The following MDGA2 variants were observed in gnomAD, a reference collection of about 807,000 sequenced individuals.
MDGA2 encodes the protein MAM domain-containing glycosylphosphatidylinositol anchor protein 2.
Under a neutral mutation model 117.8 loss-of-function variants are expected in MDGA2, and 40 were observed. The observed-to-expected ratio is 0.34, with a 90% CI of 0.26 to 0.44. The LOEUF (loss-of-function observed/expected upper bound fraction) is 0.44, where lower values mean the gene tolerates loss of function less well. Among genes scored for constraint, MDGA2 ranks in the 20% least tolerant of loss-of-function variants. The probability of loss-of-function intolerance (pLI) is 1.00; values close to 1 mark genes in which losing one functional copy is unlikely to be tolerated. For missense variants in MDGA2, 1,123 were observed against 1,250.6 expected (o/e 0.90, Z 1.54); for synonymous variants, 452 against 439.0 (o/e 1.03, Z -0.37).
intron 2 of MDGA2, among the ~76,000 whole-genome samples, chr14:47,263,847 T>C (rs1365322628): frequency 2.0e-5 from 3 of 152,172 alleles, no homozygotes; most frequent in Admixed American, 6.6e-5. Context: ...TTACAATTTT[T>C]ACCATTTTCA....
chr14:47,481,804 T>C (rs1893959068), intron 1 of MDGA2, among the ~76,000 whole-genome samples: 1 of 151,942 alleles, frequency 6.6e-6, no homozygotes, highest in South Asian at 2.1e-4. Context: ...TTGGTGAAAA[T>C]TAAAATGCTA....
chr14:47,165,412 G>A (rs1883830424), intron 3 of MDGA2, among the ~76,000 whole-genome samples: 1 of 152,172 alleles, frequency 6.6e-6, no homozygotes, highest in Admixed American at 6.6e-5. Context: ...GGGAAAGAGT[G>A]GAAGTGGTAT....
intron 2 of MDGA2, among the ~76,000 whole-genome samples, chr14:47,263,327 T>A (rs188102509): frequency 7.4e-4 from 113 of 152,168 alleles, no homozygotes; most frequent in African/African-American, 2.4e-3. Context: ...CCACCCATCC[T>A]CCATCCCCAA....
chr14:47,060,844 C>G (rs1176611967), intron 7 of MDGA2, among the ~76,000 whole-genome samples: 2 of 151,928 alleles, frequency 1.3e-5, no homozygotes, highest in East Asian at 3.9e-4. Flanking sequence ...TAAATTATCT[C>G]TCAGTATTTT....
chr14:46,943,417 GT>G (rs1443498202), intron 9 of MDGA2, among the ~76,000 whole-genome samples: 1 of 151,930 alleles, frequency 6.6e-6, no homozygotes, highest in Non-Finnish European at 1.5e-5. Context: ...ACATGACTGA[GT>G]TAAAGTCTAC....
intron 9 of MDGA2, among the ~76,000 whole-genome samples, chr14:46,924,728 G>A (rs1884262558): frequency 1.3e-5 from 2 of 151,760 alleles, no homozygotes; most frequent in African/African-American, 2.4e-5. Context: ...TACAGTTGGT[G>A]GCATAATTGA....
chr14:47,036,929 A>G (rs1459390369), intron 7 of MDGA2, among the ~76,000 whole-genome samples: 2 of 152,240 alleles, frequency 1.3e-5, no homozygotes, highest in African/African-American at 4.8e-5. Flanking sequence ...TAGAATTTAA[A>G]CAATATGAAC....
chr14:47,595,639 G>T (rs1896529208), intron 1 of MDGA2, among the ~76,000 whole-genome samples: 1 of 151,540 alleles, frequency 6.6e-6, no homozygotes, highest in African/African-American at 2.4e-5. Context: ...TTCACTGAAG[G>T]ACATGACAGC....
intron 1 of MDGA2, among the ~76,000 whole-genome samples, chr14:47,474,058 A>T (rs4900772): frequency 0.46 from 69,409 of 151,908 alleles, 16,069 homozygotes; most frequent in East Asian, 0.61. Flanking sequence ...TTTGCAGATG[A>T]CACGATCCTA....
chr14:47,033,247 T>A (rs1242901906), intron 8 of MDGA2, among the ~76,000 whole-genome samples: 1 of 152,188 alleles, frequency 6.6e-6, no homozygotes, highest in Admixed American at 6.5e-5. Flanking sequence ...GTTAAGAATA[T>A]TCTATGGAGA....
chr14:47,487,909 A>T (rs1894093376), intron 1 of MDGA2, among the ~76,000 whole-genome samples: 2 of 152,274 alleles, frequency 1.3e-5, no homozygotes, highest in South Asian at 2.1e-4. Flanking sequence ...ATTTTAAATT[A>T]TCATTTATTT....
At chr14:47,172,395 C>A (rs1379607456) in intron 3 of MDGA2, among the ~76,000 whole-genome samples, 1 of 151,928 alleles carries the variant, frequency 6.6e-6, no homozygotes, top group South Asian at 2.1e-4. Context: ...TGGGAGGCAC[C>A]CCCAAGTAGG....
intron 10 of MDGA2, among the ~76,000 whole-genome samples, chr14:46,891,221 G>C (rs1457836659): frequency 1.3e-5 from 2 of 151,682 alleles, no homozygotes; most frequent in Admixed American, 1.3e-4. Context: ...CAATGAAATA[G>C]CTCATTAACT....
chr14:47,525,713 C>G (rs1894958386), intron 1 of MDGA2, among the ~76,000 whole-genome samples: 1 of 151,532 alleles, frequency 6.6e-6, no homozygotes, highest in African/African-American at 2.4e-5. Flanking sequence ...AAAAAAAAAG[C>G]TTAATTGATT....
intron 1 of MDGA2, among the ~76,000 whole-genome samples, chr14:47,375,303 T>C (rs1421141561): frequency 1.3e-5 from 2 of 151,982 alleles, no homozygotes; most frequent in South Asian, 2.1e-4. Context: ...TTGATCTCTA[T>C]ACAGAATACT....
At chr14:47,143,625 TA>T (rs1331622379) in intron 4 of MDGA2, among the ~76,000 whole-genome samples, 4 of 152,142 alleles carry the variant, frequency 2.6e-5, no homozygotes, top group Non-Finnish European at 5.9e-5. Context: ...CAAACATGAC[TA>T]AAGGAAATTA....
chr14:47,390,058 C>G (rs1891858776), intron 1 of MDGA2, among the ~76,000 whole-genome samples: 1 of 152,086 alleles, frequency 6.6e-6, no homozygotes, highest in Admixed American at 6.6e-5. Flanking sequence ...CTTAGTTGTG[C>G]CCCTCCTGTA....
At chr14:47,078,761 T>C (rs760373291) in intron 6 of MDGA2, among the ~76,000 whole-genome samples, 7 of 152,142 alleles carry the variant, frequency 4.6e-5, no homozygotes, top group African/African-American at 7.2e-5. Context: ...TAACTATTAC[T>C]GAAAAATGAT....
intron 1 of MDGA2, chr14:47,343,190 A>T: frequency 8.8e-7 from 1 of 1,135,944 alleles, no homozygotes; most frequent in Non-Finnish European, 1.1e-6. Flanking sequence ...TACAGGCTCA[A>T]GCTATTAAAA....
Sources: allele counts gnomAD v4.1 joint callset (sites outside exome capture counted in the v4.1 genomes callset), GRCh38; gene constraint gnomAD v4.1.1; transcripts MANE v1.5; gene names NCBI Gene and HGNC (gene_info 2026-07-23, HGNC 2026-07-21).